Variants in ALOX5 observed in about 807,000 individuals in gnomAD.
ALOX5 encodes arachidonate 5-lipoxygenase.
A neutral mutation model predicts 87.9 loss-of-function variants in ALOX5; 64 were observed. That is an observed-to-expected ratio of 0.73 (90% CI 0.60 to 0.90). The LOEUF (loss-of-function observed/expected upper bound fraction) is 0.90. ALOX5 is among the 40% of genes least tolerant of loss of function. The probability of loss-of-function intolerance (pLI) is 0.00; values close to 1 mark genes in which losing one functional copy is unlikely to be tolerated. For missense variants in ALOX5, 822 were observed against 907.5 expected (o/e 0.91, Z 1.21); for synonymous variants, 388 against 355.1 (o/e 1.09, Z -1.04).
intron 4 of ALOX5, among the ~76,000 whole-genome samples, chr10:45,422,858 GC>G (rs1171667118): frequency 6.6e-6 from 1 of 152,196 alleles, no homozygotes; most frequent in African/African-American, 2.4e-5. Flanking sequence ...AGATTAGGGT[GC>G]CAGCCAATCC....
intron 3 of ALOX5, among the ~76,000 whole-genome samples, chr10:45,403,400 A>G (rs1318624100): frequency 2.0e-5 from 3 of 152,236 alleles, no homozygotes; most frequent in Non-Finnish European, 4.4e-5. Context: ...GAGGTGTGTC[A>G]TAGCGGAACC....
At chr10:45,424,772 A>G (rs1465131535) in intron 5 of ALOX5, among the ~76,000 whole-genome samples, 188 bp from the exon 6 acceptor site, 1 of 152,210 alleles carries the variant, frequency 6.6e-6, no homozygotes, top group Admixed American at 6.5e-5. Flanking sequence ...CAGCTCAGGT[A>G]TGATGAGTTG....
intron 4 of ALOX5, among the ~76,000 whole-genome samples, chr10:45,418,468 G>A (rs1207891630): frequency 6.6e-6 from 1 of 152,184 alleles, no homozygotes; most frequent in East Asian, 1.9e-4. Flanking sequence ...TCCATTCTTG[G>A]TTCAGGCCCT....
intron 1 of ALOX5, among the ~76,000 whole-genome samples, chr10:45,381,116 G>C (rs1314295570): frequency 6.6e-6 from 1 of 152,252 alleles, no homozygotes; most frequent in East Asian, 1.9e-4. Flanking sequence ...AGAGCCGCCT[G>C]TGTCCTGGAA....
chr10:45,431,344 T>C (rs1841896002), intron 7 of ALOX5, among the ~76,000 whole-genome samples: 1 of 152,068 alleles, frequency 6.6e-6, no homozygotes, highest in Non-Finnish European at 1.5e-5. Context: ...AATAAACATA[T>C]TGTCAAAGAA....
chr10:45,395,805 A>G lies in ALOX5; in HGVS notation c.350-50A>G, dbSNP rs143656006. 2.1e-4 allele frequency: 320 copies of G among 1,543,616 alleles called. No homozygotes were observed. The East Asian group carries it at 5.0e-3, about 24-fold the overall frequency. The stretch of plus-strand genomic sequence containing the variant: ...GAAGCCTGAACACTTGGCATTGGGC[A>G]TTGTTATTGTTCTTCCTCAGGCTCC... On this transcript the variant is annotated intron_variant, in intron 2 of 13. Coordinates refer to ENST00000374391, the MANE Select transcript of ALOX5 (RefSeq NM_000698.5).
intron 7 of ALOX5, among the ~76,000 whole-genome samples, chr10:45,434,346 C>G (rs1334270591): frequency 6.6e-6 from 1 of 152,222 alleles, no homozygotes; most frequent in Admixed American, 6.5e-5. Context: ...CTAGCAGCCA[C>G]TCAGCAGAAA....
chr10:45,389,721 AC>A (rs1840140345), intron 2 of ALOX5, among the ~76,000 whole-genome samples: 1 of 152,168 alleles, frequency 6.6e-6, no homozygotes, highest in East Asian at 1.9e-4. Context: ...AACAACTGGT[AC>A]CAGCCACTGC....
chr10:45,420,335 G>A (rs796329397), intron 4 of ALOX5, among the ~76,000 whole-genome samples: 1 of 152,110 alleles, frequency 6.6e-6, no homozygotes, highest in African/African-American at 2.4e-5. Flanking sequence ...TATTTGCTAA[G>A]GTAGCATCAT....
intron 6 of ALOX5, among the ~76,000 whole-genome samples, chr10:45,426,864 G>C (rs1841722379): frequency 6.6e-6 from 1 of 152,158 alleles, no homozygotes; most frequent in South Asian, 2.1e-4. Context: ...GGCAGCTTCA[G>C]ATTTACCTTC....
At chr10:45,428,155 C>A (rs183525146) in intron 6 of ALOX5, among the ~76,000 whole-genome samples, 16 of 148,726 alleles carry the variant, frequency 1.1e-4, no homozygotes, top group Non-Finnish European at 7.5e-5. Flanking sequence ...CCCCACCCGG[C>A]GGACAGCCCC....
At chr10:45,386,240 G>A (rs1488987317) in intron 2 of ALOX5, among the ~76,000 whole-genome samples, 1 of 151,708 alleles carries the variant, frequency 6.6e-6, no homozygotes. Context: ...AGTGGAGCTT[G>A]CAGTGAGCTG....
intron 2 of ALOX5, 29 bp downstream of exon 2, chr10:45,382,710 G>A: frequency 1.3e-6 from 2 of 1,594,918 alleles, no homozygotes; most frequent in Non-Finnish European, 1.7e-6. Flanking sequence ...TTCTGCCCCG[G>A]GCTTCCCAAG....
rs1191483730 is a variant in ALOX5 at position 45,412,298 on chromosome 10, T to A, written c.539T>A (p.Leu180Gln). 7 of 1,614,110 alleles carry A rather than the reference T, an allele frequency of 4.3e-6. No homozygotes were observed. Among genetic ancestry groups the A allele is most frequent in the Non-Finnish European group, 5.9e-6 (7 of 1,180,054 alleles). The change falls in exon 4 of 14, where the codon CTG becomes CAG. Residue 180 changes from leucine (L) to glutamine (Q), a missense_variant. Leu to Gln is a moderately radical substitution (Grantham distance 113). Transcript: ENST00000374391. The part of the protein sequence containing the change: ...FDSEKGVDFV[L>Q]NYSKAMENLF... The stretch of plus-strand genomic sequence containing the variant: ...AGTGAAAAAGGAGTGGACTTTGTTC[T>A]GAATTACTCCAAAGCGTAAGTTTAC...
In ALOX5 at chr10:45,380,849, G is replaced by A. The variant is rs1365983593; in HGVS notation, c.151-1634G>A. On this transcript the variant is annotated intron_variant, in intron 1 of 13. Transcript: ENST00000374391. ...CCCAGCTACTTGGGAGACTGAGGCAGGAGAATCACTTGAACCCTGGAAGTG... is the reference window on the plus strand; with the variant it reads ...CCCAGCTACTTGGGAGACTGAGGCAAGAGAATCACTTGAACCCTGGAAGTG... Among the ~76,000 whole-genome samples, 64 of 152,208 alleles carry A rather than the reference G, an allele frequency of 4.2e-4. 1 individual carries two copies. Among genetic ancestry groups the A allele is most frequent in the Admixed American group, 4.2e-3 (64 of 15,282 alleles).
Position 45,374,581 on chromosome 10 carries a change from C to A in ALOX5, c.150+152C>A, listed in dbSNP as rs986413693. ...CAGGACCCTGTCAGGGAGGGCAGAA[C>A]TGCGGTGGGGCGTGCCCTGGGCTCC... On this transcript the variant is annotated intron_variant, in intron 1 of 13. Coordinates refer to ENST00000374391, the MANE Select transcript of ALOX5 (RefSeq NM_000698.5). The A allele has an allele frequency of 4.0e-6, 3 of 752,274 alleles. No individual in the cohort carries two copies. In the African/African-American group the frequency reaches 5.5e-5, roughly 14 times the overall value. 46.6% of individuals were successfully genotyped at this position (752,274 alleles called of 1,614,324 possible).
At position 45,421,902 on chromosome 10, in the gene ALOX5, G is replaced by A. The variant is rs574798141; in HGVS notation, c.555-2139G>A. ...GCAACTTCCAGCAGTACACCCTCTC[G>A]GTCACCTGCAGGCTCCTTGTTCATC... On this transcript the variant is annotated intron_variant, in intron 4 of 13. Coordinates refer to ENST00000374391, the MANE Select transcript of ALOX5 (RefSeq NM_000698.5). Among the ~76,000 whole-genome samples the A allele has an allele frequency of 3.3e-5, 5 of 152,292 alleles. No individual in the cohort carries two copies. The South Asian group carries it at 8.3e-4, about 25-fold the overall frequency.
chr10:45,378,138 C>T (rs1839693353), intron 1 of ALOX5, among the ~76,000 whole-genome samples: 3 of 152,168 alleles, frequency 2.0e-5, no homozygotes, highest in Non-Finnish European at 4.4e-5. Flanking sequence ...CTCATCTGCC[C>T]TCTGAAATCT....
At chr10:45,377,032 A>G (rs1839640317) in intron 1 of ALOX5, among the ~76,000 whole-genome samples, 1 of 152,220 alleles carries the variant, frequency 6.6e-6, no homozygotes, top group Admixed American at 6.5e-5. Flanking sequence ...ACAGATCTGA[A>G]GATTTCTGAG....
Sources: allele counts gnomAD v4.1 joint callset (sites outside exome capture counted in the v4.1 genomes callset), GRCh38; gene constraint gnomAD v4.1.1; transcripts MANE v1.5; gene names NCBI Gene and HGNC (gene_info 2026-07-23, HGNC 2026-07-21).